ANKRD26: variants seen among roughly 807,000 people sequenced by gnomAD.
ANKRD26 encodes ankyrin repeat domain-containing protein 26.
A neutral mutation model predicts 208.7 loss-of-function variants in ANKRD26; 141 were observed. That is an observed-to-expected ratio of 0.68 (90% CI 0.59 to 0.78). ANKRD26 has a LOEUF of 0.78. ANKRD26 is among the 30% of genes least tolerant of loss of function. The pLI, the probability that ANKRD26 is intolerant of heterozygous loss-of-function variation, is 0.00. For synonymous variants in ANKRD26, 636 were observed against 660.4 expected (o/e 0.96, Z 0.57); for missense variants, 1,889 against 1,938.7 (o/e 0.97, Z 0.48).
In ANKRD26 at chr10:27,024,541, GT is replaced by G; in HGVS notation, c.3990del (p.Glu1330AspfsTer3). 1 of 1,567,426 alleles carries G rather than the reference GT, an allele frequency of 6.4e-7. No homozygotes were observed. ...TTTAATTCCATAAGTTTCTTTAATT[GT>G]TCCTTTTCATCTTCAGACTTTGAAA... ...LNANLSEDEK[E>X]QLKKLMELKQ... On this transcript the variant is annotated frameshift_variant, in exon 28 of 34. Coordinates refer to ENST00000376087, the MANE Select transcript of ANKRD26 (RefSeq NM_014915.3). LOFTEE classifies it high-confidence loss of function.
chr10:27,096,262 T>C (rs1467472745), intron 1 of ANKRD26, among the ~76,000 whole-genome samples: 1 of 150,846 alleles, frequency 6.6e-6, no homozygotes, highest in Non-Finnish European at 1.5e-5. Flanking sequence ...TGTCATAAAA[T>C]GCATTCCCAA....
rs779808524 is a variant in ANKRD26, at chr10:27,061,153, C to G, written c.1453G>C (p.Ala485Pro). The change falls in exon 13 of 34, where the codon GCC becomes CCC. Residue 485 changes from alanine (A) to proline (P), a missense_variant. Around this residue, in one of 3 missense-constraint regions of ANKRD26, gnomAD observed 1,272 missense variants for 1,273.8 expected, o/e 1.00. Coordinates refer to ENST00000376087, the MANE Select transcript of ANKRD26 (RefSeq NM_014915.3). ...CATTTTTTTTCCATACCCATGTGGGCTACTGGCATGCCTACATTTCTTGTA... is the reference window on the plus strand; with the variant it reads ...CATTTTTTTTCCATACCCATGTGGGGTACTGGCATGCCTACATTTCTTGTA... Reference protein sequence around the residue: ...EDTRNVGMPVAHMESPERYLH... With the variant: ...EDTRNVGMPVPHMESPERYLH... The G allele has an allele frequency of 3.1e-6, 5 of 1,608,660 alleles. No homozygotes were observed. Among genetic ancestry groups the G allele is most frequent in the Admixed American group, 1.7e-5 (1 of 59,996 alleles).
In ANKRD26 at chr10:27,077,540, A is replaced by G; in HGVS notation, c.875T>C (p.Leu292Ser). Residue 292 changes from leucine (L) to serine (S), a missense_variant and splice_region_variant, in exon 9 of 34, where the codon TTA (leucine) becomes TCA (serine). Coordinates refer to ENST00000376087, the MANE Select transcript of ANKRD26 (RefSeq NM_014915.3). ...MTASQQSRKN[L>S]EATYGTVRTG... is the part of the protein sequence containing the mutation. ...TCTCACAGTGCCATATGTTGCTTCT[A>G]CTACAGTAAAAACAAAATAAAGAGT... 1 of 1,613,806 alleles carries G rather than the reference A, an allele frequency of 6.2e-7. No homozygotes were observed. The highest frequency in any genetic ancestry group is 8.5e-7 in the Non-Finnish European group (1 of 1,179,742).
intron 4 of ANKRD26, among the ~76,000 whole-genome samples, chr10:26,998,905 C>A (rs1165086107): frequency 6.6e-6 from 1 of 152,084 alleles, no homozygotes; most frequent in African/African-American, 2.4e-5. Flanking sequence ...GAGGAGGGAA[C>A]AGATCTGGTC....
chr10:27,021,316 G>A (rs925482428), intron 29 of ANKRD26, among the ~76,000 whole-genome samples: 6 of 152,198 alleles, frequency 3.9e-5, no homozygotes, highest in African/African-American at 1.4e-4. Flanking sequence ...GTAGTAGAAC[G>A]ACTACATCAT....
At chr10:26,972,730 A>G (rs1276643318), downstream of ANKRD26, among the ~76,000 whole-genome samples, 2 of 151,418 alleles carry the variant, frequency 1.3e-5, no homozygotes, top group Non-Finnish European at 2.9e-5. Flanking sequence ...AGCTGGGACT[A>G]CAGGCGCCCG....
chr10:26,967,724 A>C, the ANKRD26 span, among the ~76,000 whole-genome samples: 3 of 152,176 alleles, frequency 2.0e-5, no homozygotes, highest in Non-Finnish European at 4.4e-5. Context: ...AAACTTGTAC[A>C]TCCTACCTAT....
intron 6 of ANKRD26, chr10:27,080,576 G>A (rs1218248102): frequency 1.1e-6 from 1 of 949,806 alleles, no homozygotes; most frequent in Non-Finnish European, 1.3e-6. Context: ...GCTGGAGAAA[G>A]AGTCCTGGTA....
At chr10:27,081,803 T>C (rs1011236483) in intron 6 of ANKRD26, among the ~76,000 whole-genome samples, 7 of 151,784 alleles carry the variant, frequency 4.6e-5, no homozygotes, top group African/African-American at 7.3e-5. Flanking sequence ...AGTGGCGCAA[T>C]CTCGGCTCAC....
At chr10:27,041,800 T>G (rs1261126480) in intron 20 of ANKRD26, among the ~76,000 whole-genome samples, 1 of 151,154 alleles carries the variant, frequency 6.6e-6, no homozygotes, top group African/African-American at 2.4e-5. Flanking sequence ...AAAAAAAATG[T>G]GAAGAAAAAT....
chr10:26,981,828 T>C (rs2052313553), intron 4 of ANKRD26, among the ~76,000 whole-genome samples: 1 of 152,168 alleles, frequency 6.6e-6, no homozygotes, highest in Non-Finnish European at 1.5e-5. Context: ...AATTACTCCC[T>C]GAACTAGTTT....
chr10:27,012,227 G>A (rs1437348161), intron 32 of ANKRD26, among the ~76,000 whole-genome samples: 1 of 152,084 alleles, frequency 6.6e-6, no homozygotes, highest in Non-Finnish European at 1.5e-5. Flanking sequence ...CCATTAGAAG[G>A]AAAGCCAAAG....
intron 9 of ANKRD26, among the ~76,000 whole-genome samples, chr10:27,074,250 G>A (rs1189139220): frequency 6.6e-6 from 1 of 152,018 alleles, no homozygotes; most frequent in East Asian, 1.9e-4. Context: ...ATATACAAGG[G>A]CAAGGTAAAA....
intron 1 of ANKRD26, among the ~76,000 whole-genome samples, chr10:27,097,060 G>A (rs2056490211): frequency 6.6e-6 from 1 of 151,854 alleles, no homozygotes; most frequent in Admixed American, 6.6e-5. Flanking sequence ...CACGTGCCTG[G>A]AATCTCAGCT....
chr10:27,071,470 G>A (rs1282360715), intron 9 of ANKRD26, among the ~76,000 whole-genome samples: 2 of 151,660 alleles, frequency 1.3e-5, no homozygotes, highest in Non-Finnish European at 2.9e-5. Context: ...CACCACACCC[G>A]GCCGGGACTA....
intron 9 of ANKRD26, among the ~76,000 whole-genome samples, chr10:27,074,962 C>T (rs184736069): frequency 5.9e-5 from 9 of 151,892 alleles, no homozygotes; most frequent in African/African-American, 2.2e-4. Context: ...AAATCATCAG[C>T]CAAGAATTCT....
chr10:27,068,882 T>C (rs568400089), intron 9 of ANKRD26, among the ~76,000 whole-genome samples: 1 of 149,856 alleles, frequency 6.7e-6, no homozygotes, highest in African/African-American at 2.4e-5. Flanking sequence ...AAAAGTGAAT[T>C]GCAATAATAA....
intron 17 of ANKRD26, among the ~76,000 whole-genome samples, chr10:27,048,010 G>A (rs977429522): frequency 1.3e-5 from 2 of 152,014 alleles, no homozygotes; most frequent in African/African-American, 4.8e-5. Flanking sequence ...CCAAAGTGCT[G>A]GGATTACAGG....
chr10:26,987,687 T>G (rs1395420198), downstream of ANKRD26, among the ~76,000 whole-genome samples: 3 of 152,124 alleles, frequency 2.0e-5, no homozygotes, highest in Non-Finnish European at 1.5e-5. Context: ...ATTTAGACTA[T>G]TACAGTGGGA....
Sources: gnomAD v4.1 joint callset for allele counts (sites outside exome capture counted in the v4.1 genomes callset) on GRCh38, gnomAD v4.1.1 for gene constraint, gnomAD v4.1.1 regional missense constraint, MANE v1.5 for transcripts, NCBI Gene and HGNC (gene_info 2026-07-23, HGNC 2026-07-21) for gene names.